Variants in CLEC6A observed in about 807,000 individuals in gnomAD.
CLEC6A encodes the protein C-type lectin domain family 6 member A.
CLEC6A carries 22 observed loss-of-function variants against 25.7 expected under a neutral mutation model. The ratio of observed to expected loss-of-function variants is 0.85; its 90% CI spans 0.61 to 1.22. The LOEUF is 1.22. Ranked by LOEUF, CLEC6A falls within the 50% of genes most tolerant of loss-of-function variation. The pLI is 0.00. For missense variants in CLEC6A, 240 were observed against 236.8 expected, an observed-to-expected ratio of 1.01 and a Z score of -0.09; for synonymous variants, 92 against 76.7, an observed-to-expected ratio of 1.20 and a Z score of -1.04.
At chr12:8,473,442 G>A (rs1427288145) in intron 4 of CLEC6A, among the ~76,000 whole-genome samples, 2 of 152,116 alleles carry the variant, frequency 1.3e-5, no homozygotes, top group Non-Finnish European at 2.9e-5. Context: ...ATTCCATGGT[G>A]TATATGTATT....
At chr12:8,469,180 T>G (rs2136363164) in intron 4 of CLEC6A, among the ~76,000 whole-genome samples, 1 of 152,142 alleles carries the variant, frequency 6.6e-6, no homozygotes, top group Non-Finnish European at 1.5e-5. Flanking sequence ...ACTCAACCCC[T>G]TTTACAGTAG....
intron 4 of CLEC6A, among the ~76,000 whole-genome samples, chr12:8,467,756 T>G (rs1939851719): frequency 6.6e-6 from 1 of 152,176 alleles, no homozygotes. Context: ...TCACATTGAC[T>G]CTTTAGATTG....
intron 4 of CLEC6A, among the ~76,000 whole-genome samples, chr12:8,473,968 G>T (rs1939939393): frequency 6.6e-6 from 1 of 152,108 alleles, no homozygotes; most frequent in African/African-American, 2.4e-5. Context: ...ATAGATTCTG[G>T]ATGTTAGACC....
At chr12:8,464,760 T>C (rs1939808950) in intron 3 of CLEC6A, among the ~76,000 whole-genome samples, 1 of 152,232 alleles carries the variant, frequency 6.6e-6, no homozygotes, top group South Asian at 2.1e-4. Flanking sequence ...TGGCTAGCTA[T>C]GGATTTCTTT....
At position 8,472,278 on chromosome 12, in the gene CLEC6A, T is replaced by C. The variant is rs1939914645; in HGVS notation, c.370-3847T>C. Among the ~76,000 whole-genome samples, 4 of 152,154 alleles carry C rather than the reference T, an allele frequency of 2.6e-5. 1 individual carries two copies. The highest frequency in any genetic ancestry group is 6.6e-5 in the Admixed American group (1 of 15,262). ...TCTCTTGCTTTACCTGGTGTCTATA[T>C]GCAGTACCAGTCTCTTTAGAGCAGT... is the stretch of plus-strand genomic sequence containing the variant. On this transcript the variant is annotated intron_variant, in intron 4 of 5. Transcript: ENST00000382073.
chr12:8,470,414 A>T (rs1795408015), intron 4 of CLEC6A, among the ~76,000 whole-genome samples: 1 of 152,172 alleles, frequency 6.6e-6, no homozygotes, highest in South Asian at 2.1e-4. Context: ...CCTTTGATCC[A>T]GCAATCCCAC....
chr12:8,467,545 C>A (rs1328935391), intron 4 of CLEC6A, among the ~76,000 whole-genome samples: 4 of 151,914 alleles, frequency 2.6e-5, no homozygotes, highest in African/African-American at 9.7e-5. Context: ...TTCCATTGGT[C>A]TCTATGTCTG....
intron 4 of CLEC6A, among the ~76,000 whole-genome samples, chr12:8,466,931 C>T (rs1217098656): frequency 2.6e-5 from 4 of 152,160 alleles, no homozygotes; most frequent in South Asian, 2.1e-4. Flanking sequence ...GGGTTACAGG[C>T]GTGAGCCACC....
intron 1 of CLEC6A, 24 bp downstream of exon 1, chr12:8,456,166 G>A: frequency 6.2e-7 from 1 of 1,612,112 alleles, no homozygotes; most frequent in African/African-American, 1.3e-5. Context: ...CAGTTTCAGA[G>A]GAAAGTGGAA....
chr12:8,458,077 TTAATAC>T, intron 2 of CLEC6A, 90 bp downstream of exon 2: 1 of 837,766 alleles, frequency 1.2e-6, no homozygotes, highest in Admixed American at 2.2e-5. Context: ...CTTTGCCCCA[TTAATAC>T]GTCAGCTCTT....
chr12:8,459,566 A>G (rs759495670), intron 2 of CLEC6A, 31 bp from the exon 3 acceptor site: 2 of 1,371,788 alleles, frequency 1.5e-6, no homozygotes, highest in Non-Finnish European at 1.0e-6. Context: ...AAAATAATAG[A>G]TGGACACTAA....
At chr12:8,474,457 GT>G (rs1410180062) in intron 4 of CLEC6A, among the ~76,000 whole-genome samples, 1 of 152,186 alleles carries the variant, frequency 6.6e-6, no homozygotes, top group Non-Finnish European at 1.5e-5. Flanking sequence ...GTACTCTAAT[GT>G]TTTGGTTACT....
At position 8,477,201 on chromosome 12, in the gene CLEC6A, C is replaced by G. The variant is rs1939986924; in HGVS notation, c.486-119C>G. 4 of 728,478 alleles carry G rather than the reference C, an allele frequency of 5.5e-6. No individual in the cohort carries two copies. The African/African-American group carries it at 7.3e-5, about 13-fold the overall frequency. The allele number at this position is 728,478 out of a possible 1,614,324, so 45.1% of individuals were successfully genotyped here. On this transcript the variant is annotated intron_variant, in intron 5 of 5. Transcript: ENST00000382073. ...AGGAGAGTAGTATGAGAAGAAGGAA[C>G]AATCATTGGAATGTTCTCTCTTCCT... is the stretch of plus-strand genomic sequence containing the variant.
chr12:8,466,861 T>C (rs1939838314), intron 4 of CLEC6A, among the ~76,000 whole-genome samples: 1 of 152,054 alleles, frequency 6.6e-6, no homozygotes, highest in Non-Finnish European at 1.5e-5. Flanking sequence ...ACCATCTTGG[T>C]CAGGCTGGTC....
At chr12:8,466,155 T>C (rs1451047166) in intron 4 of CLEC6A, among the ~76,000 whole-genome samples, 2 of 152,238 alleles carry the variant, frequency 1.3e-5, no homozygotes, top group African/African-American at 4.8e-5. Context: ...TGATTTGATA[T>C]ACAAATATAT....
At chr12:8,463,464 T>C (rs1939790622) in intron 3 of CLEC6A, among the ~76,000 whole-genome samples, 4 of 152,190 alleles carry the variant, frequency 2.6e-5, no homozygotes, top group Admixed American at 2.0e-4. Flanking sequence ...AACTGAAAAA[T>C]CTTGCTCACT....
intron 3 of CLEC6A, among the ~76,000 whole-genome samples, chr12:8,462,042 G>T (rs565860601): frequency 6.6e-6 from 1 of 152,192 alleles, no homozygotes; most frequent in Admixed American, 6.5e-5. Flanking sequence ...GCCTTGAGAT[G>T]CTGTTAATCT....
intron 4 of CLEC6A, among the ~76,000 whole-genome samples, chr12:8,473,463 T>C (rs1939933222): frequency 6.6e-6 from 1 of 152,186 alleles, no homozygotes; most frequent in Non-Finnish European, 1.5e-5. Flanking sequence ...ATATTTTCTT[T>C]ATCCAATTCA....
chr12:8,458,127 T>C, intron 2 of CLEC6A, 140 bp downstream of exon 2: 1 of 593,848 alleles, frequency 1.7e-6, no homozygotes, highest in East Asian at 3.0e-5. Flanking sequence ...GATTTCTCCT[T>C]TTCCCTTTGT....
Sources: allele counts gnomAD v4.1 joint callset (sites outside exome capture counted in the v4.1 genomes callset), GRCh38; gene constraint gnomAD v4.1.1; transcripts MANE v1.5; gene names NCBI Gene and HGNC (gene_info 2026-07-23, HGNC 2026-07-21).